COLGALT1: variants seen among roughly 807,000 people sequenced by gnomAD.
COLGALT1 encodes the protein procollagen galactosyltransferase 1.
In COLGALT1, 43 loss-of-function variants were observed where a neutral mutation model predicts 60.8. That is an observed-to-expected ratio of 0.71 (90% CI 0.55 to 0.91). COLGALT1 has a LOEUF of 0.91. COLGALT1 is among the 40% of genes least tolerant of loss of function. The probability of loss-of-function intolerance (pLI) is 0.00; values close to 1 mark genes in which losing one functional copy is unlikely to be tolerated. For missense variants in COLGALT1, 845 were observed against 880.0 expected (o/e 0.96, Z 0.50); for synonymous variants, 369 against 374.2 (o/e 0.99, Z 0.16).
Position 17,581,268 on chromosome 19 carries a change from G to A in COLGALT1, c.1693G>A (p.Asp565Asn), listed in dbSNP as rs148480974. The change falls in exon 12 of 12, where the codon GAT becomes AAT. Residue 565 changes from aspartate to asparagine, a missense_variant. By Grantham distance (23) the Asp-to-Asn change is conservative. Transcript: ENST00000252599. ...LIYPTHYTGD[D>N]GYVSDTETSV... ...CTACCCCACACACTACACAGGAGACGATGGCTATGTGAGTGACACCGAGAC... is the reference window on the plus strand; with the variant it reads ...CTACCCCACACACTACACAGGAGACAATGGCTATGTGAGTGACACCGAGAC... 7.4e-6 allele frequency: 12 copies of A among 1,612,056 alleles called. No individual in the cohort carries two copies. The highest frequency in any genetic ancestry group is 4.5e-5 in the East Asian group (2 of 44,874).
intron 1 of COLGALT1, 136 bp downstream of exon 1, chr19:17,556,109 C>T: frequency 9.6e-7 from 1 of 1,038,718 alleles, no homozygotes; most frequent in African/African-American, 1.7e-5. Flanking sequence ...GCTCGCTACC[C>T]CCATCGGGAC....
Position 17,581,592 on chromosome 19 carries a change from A to G in COLGALT1, c.*148A>G. Reference sequence around the variant, plus strand: ...TCCAGCCAGCTCTTGCTAAGCAATCACGTGCACACAGGCAGCATTAATGGA... The same window carrying G: ...TCCAGCCAGCTCTTGCTAAGCAATCGCGTGCACACAGGCAGCATTAATGGA... On this transcript the variant is annotated 3_prime_UTR_variant, in exon 12 of 12. Coordinates refer to ENST00000252599, the MANE Select transcript of COLGALT1 (RefSeq NM_024656.4). The G allele has an allele frequency of 9.6e-7, 1 of 1,040,422 alleles. No homozygotes were observed. Among genetic ancestry groups the G allele is most frequent in the African/African-American group, 1.6e-5 (1 of 62,132 alleles). 64.4% of individuals were successfully genotyped at this position (1,040,422 alleles called of 1,614,324 possible).
rs1393355697 is a variant in COLGALT1, at chr19:17,581,367, C to G, written c.1792C>G (p.Gln598Glu). 3 of 1,613,262 alleles carry G rather than the reference C, an allele frequency of 1.9e-6. No homozygotes were observed. The South Asian group carries it at 3.3e-5, about 18-fold the overall frequency. ...RAKSQKMREQ[Q>E]ALSREAKNSD... ...CAAGTCCCAGAAGATGCGGGAGCAG[C>G]AGGCACTGAGCCGTGAGGCCAAGAA... Residue 598 changes from glutamine (Q) to glutamate (E), a missense_variant, in exon 12 of 12, where the codon CAG (glutamine) becomes GAG (glutamate). Transcript: ENST00000252599.
intron 3 of COLGALT1, among the ~76,000 whole-genome samples, chr19:17,564,117 TTG>T (rs936200310): frequency 7.9e-5 from 12 of 151,382 alleles, no homozygotes; most frequent in African/African-American, 2.7e-4. Context: ...GTGTACTGGT[TTG>T]TGTCTGTAGT....
Position 17,579,521 on chromosome 19 carries a change from G to A in COLGALT1, c.1306G>A (p.Asp436Asn), listed in dbSNP as rs1294221612. The change falls in exon 10 of 12, where the codon GAT becomes AAT. Residue 436 changes from aspartate (D) to asparagine (N), a missense_variant. By Grantham distance (23) the Asp-to-Asn change is conservative (BLOSUM62 1). Transcript: ENST00000252599. ...GCTGCAGAAATCGCTTGTGTTTGAG[G>A]ATGACCTGCGTTTTGAGATCTTCTT... is the stretch of plus-strand genomic sequence containing the variant. ...RGLQKSLVFE[D>N]DLRFEIFFKR... 7 of 1,614,190 alleles carry A rather than the reference G, an allele frequency of 4.3e-6. No homozygotes were observed. In the South Asian group the frequency reaches 4.4e-5, roughly 10 times the overall value.
At position 17,577,231 on chromosome 19, in the gene COLGALT1, C is replaced by G. The variant is rs564381887; in HGVS notation, c.986C>G (p.Ser329Trp). The G allele has an allele frequency of 5.0e-6, 8 of 1,610,660 alleles. No individual in the cohort carries two copies. Among genetic ancestry groups the G allele is most frequent in the South Asian group, 1.1e-5 (1 of 90,954 alleles). The change falls in exon 7 of 12, where the codon TCG becomes TGG. Residue 329 changes from serine to tryptophan, a missense_variant. By Grantham distance (177) the Ser-to-Trp change is radical. Transcript: ENST00000252599. ...CCCGCAGAGCCCTCCCGCTTCATCT[C>G]GGCTCCCACCAAGACACCGGACAAG... Reference protein sequence around the residue: ...HPPAEPSRFISAPTKTPDKMG... With the variant: ...HPPAEPSRFIWAPTKTPDKMG...
rs911373924 is a variant in COLGALT1, at chr19:17,564,114, G to A, written c.490-3292G>A. Among the ~76,000 whole-genome samples, 10 of 151,724 alleles carry A rather than the reference G, an allele frequency of 6.6e-5. 1 individual carries two copies. The highest frequency in any genetic ancestry group is 2.4e-4 in the African/African-American group (10 of 41,380). On this transcript the variant is annotated intron_variant, in intron 3 of 11. Transcript: ENST00000252599. ...AAAAAAAAAATTAGCCAGGTGTACT[G>A]GTTTGTGTCTGTAGTCCCAGCTAAT...
chr19:17,581,560 G>T lies in COLGALT1; in HGVS notation c.*116G>T. The T allele has an allele frequency of 7.4e-7, 1 of 1,355,810 alleles. No homozygotes were observed. Among genetic ancestry groups the T allele is most frequent in the Non-Finnish European group, 9.8e-7 (1 of 1,017,868 alleles). The allele number at this position is 1,355,810 out of a possible 1,614,324, so 84.0% of individuals were successfully genotyped here. A position where few individuals can be genotyped will look rare whatever the true frequency, so the allele number is the denominator to read the frequency against. ...CAGGCCACAGAGGGCTCTCGTGTGG[G>T]GTGGTGTCCAGCCAGCTCTTGCTAA... On this transcript the variant is annotated 3_prime_UTR_variant, in exon 12 of 12. Coordinates refer to ENST00000252599, the MANE Select transcript of COLGALT1 (RefSeq NM_024656.4).
rs767008591 is a variant in COLGALT1 at position 17,577,372 on chromosome 19, C to G, written c.1038C>G (p.Ile346Met). The G allele has an allele frequency of 6.3e-7, 1 of 1,598,822 alleles. No homozygotes were observed. Among genetic ancestry groups the G allele is most frequent in the East Asian group, 2.3e-5 (1 of 44,414 alleles). Residue 346 changes from isoleucine (I) to methionine (M), a missense_variant, in exon 8 of 12, where the codon ATC becomes ATG. By Grantham distance (10) the Ile-to-Met change is conservative. Transcript: ENST00000252599. The part of the protein sequence containing the change: ...DKMGFDEVFM[I>M]NLRRRQDRRE... The stretch of plus-strand genomic sequence containing the variant: ...TCTCCGGGCTGCAGGTCTTCATGAT[C>G]AACCTGAGGCGGCGGCAGGACCGGC...
chr19:17,561,540 G>C (rs1039680317), intron 3 of COLGALT1, among the ~76,000 whole-genome samples: 2 of 151,228 alleles, frequency 1.3e-5, no homozygotes, highest in African/African-American at 4.9e-5. Flanking sequence ...TTGTCTCATG[G>C]GGAAGGGAAC....
chr19:17,562,658 T>C, intron 3 of COLGALT1, among the ~76,000 whole-genome samples: 1 of 138,286 alleles, frequency 7.2e-6, no homozygotes. Context: ...TGAGACTATG[T>C]CTCAAAAAAA....
chr19:17,581,139 GC>G (rs2076379005), intron 11 of COLGALT1, 37 bp from the exon 12 acceptor site: 1 of 1,593,542 alleles, frequency 6.3e-7, no homozygotes, highest in African/African-American at 1.4e-5. Flanking sequence ...GTCCCCTGAA[GC>G]CATTGCTGCC....
intron 5 of COLGALT1, chr19:17,571,794 C>T (rs549164061): frequency 6.6e-6 from 1 of 152,186 alleles, no homozygotes; most frequent in South Asian, 2.1e-4. Context: ...ACTTAACTCA[C>T]ATTTTGTCAA....
chr19:17,561,235 A>T (rs560174249), intron 3 of COLGALT1, among the ~76,000 whole-genome samples: 16 of 151,926 alleles, frequency 1.1e-4, no homozygotes, highest in East Asian at 3.9e-4. Flanking sequence ...AAATATTTTT[A>T]AAAAATAACA....
intron 3 of COLGALT1, among the ~76,000 whole-genome samples, chr19:17,562,787 C>T (rs2076256968): frequency 6.6e-6 from 1 of 151,968 alleles, no homozygotes; most frequent in African/African-American, 2.4e-5. Flanking sequence ...GGATGCGTCA[C>T]GAGGTGAAGG....
rs2076355042 is a variant in COLGALT1 at position 17,578,003 on chromosome 19, C to T, written c.1180C>T (p.Pro394Ser). Reference protein sequence around the residue: ...QVEALGIQMLPGYRDPYHGRP... With the variant: ...QVEALGIQMLSGYRDPYHGRP... ...GGAGGCGCTGGGGATCCAGATGCTGCCTGGCTACCGGGACCCCTACCACGG... is the reference window on the plus strand; with the variant it reads ...GGAGGCGCTGGGGATCCAGATGCTGTCTGGCTACCGGGACCCCTACCACGG... The change falls in exon 9 of 12, where the codon CCT (proline) becomes TCT (serine). Residue 394 changes from proline to serine, a missense_variant. Transcript: ENST00000252599. The T allele has an allele frequency of 6.2e-7, 1 of 1,612,566 alleles. No individual in the cohort carries two copies. Among genetic ancestry groups the T allele is most frequent in the Middle Eastern group, 1.9e-4 (1 of 5,354 alleles).
chr19:17,571,465 G>T (rs1161865381), intron 5 of COLGALT1, among the ~76,000 whole-genome samples: 2 of 151,422 alleles, frequency 1.3e-5, no homozygotes, highest in Non-Finnish European at 2.9e-5. Context: ...GTCTAAAAAA[G>T]ATACACACTT....
chr19:17,579,876 G>A, intron 10 of COLGALT1: 1 of 463,394 alleles, frequency 2.2e-6, no homozygotes, highest in Non-Finnish European at 3.9e-6. Flanking sequence ...GGTCAGGGTG[G>A]CAGGCGTGGC....
chr19:17,579,714 T>C (rs2076367438), intron 10 of COLGALT1, 105 bp downstream of exon 10: 1 of 1,363,118 alleles, frequency 7.3e-7, no homozygotes, highest in South Asian at 1.3e-5. Flanking sequence ...GGATGGGTCA[T>C]GGCTTAGAGG....
Sources: allele counts gnomAD v4.1 joint callset (sites outside exome capture counted in the v4.1 genomes callset), GRCh38; gene constraint gnomAD v4.1.1; transcripts MANE v1.5; gene names NCBI Gene and HGNC (gene_info 2026-07-23, HGNC 2026-07-21).